DDAH1: variants seen among roughly 807,000 people sequenced by gnomAD.
DDAH1 encodes N(G),N(G)-dimethylarginine dimethylaminohydrolase 1.
Under a neutral mutation model 28.8 loss-of-function variants are expected in DDAH1, and 19 were observed. The observed-to-expected ratio is 0.66, with a 90% CI of 0.46 to 0.97. The LOEUF (loss-of-function observed/expected upper bound fraction) is 0.97, where lower values mean the gene tolerates loss of function less well. Among genes scored for constraint, DDAH1 ranks in the 50% least tolerant of loss-of-function variants. The probability of loss-of-function intolerance (pLI) is 0.00; values close to 1 mark genes in which losing one functional copy is unlikely to be tolerated. For synonymous variants in DDAH1, 153 were observed against 154.4 expected (o/e 0.99, Z 0.07); for missense variants, 326 against 375.9 (o/e 0.87, Z 1.10).
chr1:85,436,879 G>A (rs923911463), intron 1 of DDAH1, among the ~76,000 whole-genome samples: 1 of 152,160 alleles, frequency 6.6e-6, no homozygotes, highest in African/African-American at 2.4e-5. Context: ...TGAAACAGGT[G>A]TCATGGGAGA....
chr1:85,562,193 T>TGA (rs1659162424), intron 1 of DDAH1, among the ~76,000 whole-genome samples: 2 of 151,804 alleles, frequency 1.3e-5, no homozygotes, highest in Non-Finnish European at 1.5e-5. Flanking sequence ...ACAGAAAATA[T>TGA]GAGAAATTTT....
At chr1:85,406,086 T>G (rs776481530) in intron 1 of DDAH1, among the ~76,000 whole-genome samples, 3 of 152,166 alleles carry the variant, frequency 2.0e-5, no homozygotes, top group Non-Finnish European at 4.4e-5. Flanking sequence ...TGTGCATTAT[T>G]ATGTTTACTT....
chr1:85,445,951 T>A (rs60939986), intron 1 of DDAH1, among the ~76,000 whole-genome samples: 59 of 152,298 alleles, frequency 3.9e-4, no homozygotes, highest in African/African-American at 1.3e-3. Context: ...TTAAATGCCA[T>A]CTGCAATTCT....
At chr1:85,445,033 T>C (rs556472910) in intron 1 of DDAH1, among the ~76,000 whole-genome samples, 1 of 152,318 alleles carries the variant, frequency 6.6e-6, no homozygotes, top group East Asian at 1.9e-4. Context: ...GAGAAAGATG[T>C]AGGCTGGGAG....
intron 1 of DDAH1, among the ~76,000 whole-genome samples, chr1:85,535,027 T>C (rs1242959875): frequency 6.6e-6 from 1 of 151,292 alleles, no homozygotes; most frequent in South Asian, 2.1e-4. Flanking sequence ...TTTTTTTTTT[T>C]CCCGTGGAAA....
At position 85,343,537 on chromosome 1, in the gene DDAH1, T is replaced by A. The variant is rs963403219; in HGVS notation, c.597+6878A>T. Among the ~76,000 whole-genome samples, 3 of 152,250 alleles carry A rather than the reference T, an allele frequency of 2.0e-5. No individual in the cohort carries two copies. In the East Asian group the frequency reaches 5.8e-4, roughly 29 times the overall value. ...GCTGGTGAATACAACAGCCAGATAGTAAGACAAAATTAAACCTACAATGGG... is the reference window on the plus strand; with the variant it reads ...GCTGGTGAATACAACAGCCAGATAGAAAGACAAAATTAAACCTACAATGGG... On this transcript the variant is annotated intron_variant, in intron 4 of 5. Transcript: ENST00000284031.
At chr1:85,355,272 T>C (rs976912838) in intron 2 of DDAH1, among the ~76,000 whole-genome samples, 4 of 152,196 alleles carry the variant, frequency 2.6e-5, no homozygotes, top group African/African-American at 4.8e-5. Context: ...CACAAGAGCC[T>C]GTTTCCAAAG....
intron 1 of DDAH1, among the ~76,000 whole-genome samples, chr1:85,387,723 T>C (rs748773018): frequency 1.3e-5 from 2 of 152,198 alleles, no homozygotes; most frequent in Non-Finnish European, 2.9e-5. Context: ...GGTATTTTTA[T>C]TGCAATGCTC....
chr1:85,389,357 G>A (rs2100550884), intron 1 of DDAH1, among the ~76,000 whole-genome samples: 1 of 152,298 alleles, frequency 6.6e-6, no homozygotes, highest in East Asian at 1.9e-4. Flanking sequence ...GACCTACTCA[G>A]TAAATGTTCA....
chr1:85,469,502 G>T (rs1304791098), upstream of DDAH1, among the ~76,000 whole-genome samples: 3 of 152,236 alleles, frequency 2.0e-5, no homozygotes, highest in Non-Finnish European at 4.4e-5. Context: ...ATATTGCAAA[G>T]TGCTTAAAAA....
chr1:85,522,471 A>T (rs569290720), intron 1 of DDAH1, among the ~76,000 whole-genome samples: 25 of 143,136 alleles, frequency 1.7e-4, no homozygotes, highest in African/African-American at 6.0e-4. Context: ...GGCAGAATTT[A>T]ATTCTGTGCT....
rs924940115 is a variant in DDAH1, at chr1:85,445,773, AT to A, written c.303+18969del. ...AAGTGTGTACCACAATTCCCAGATAATTTTTTTTTAAGAGACAGGGTCTCTT... is the reference window on the plus strand; with the variant it reads ...AAGTGTGTACCACAATTCCCAGATAATTTTTTTTAAGAGACAGGGTCTCTT... On this transcript the variant is annotated intron_variant, in intron 1 of 5. Coordinates refer to ENST00000284031, the MANE Select transcript of DDAH1 (RefSeq NM_012137.4). Among the ~76,000 whole-genome samples the A allele has an allele frequency of 1.1e-4, 16 of 151,468 alleles. No individual in the cohort carries two copies. The East Asian group carries it at 1.8e-3, about 17-fold the overall frequency.
At chr1:85,431,316 G>A (rs928539818) in intron 1 of DDAH1, among the ~76,000 whole-genome samples, 2 of 152,058 alleles carry the variant, frequency 1.3e-5, no homozygotes, top group Non-Finnish European at 2.9e-5. Flanking sequence ...GAGGATTTTC[G>A]CATTGATGTT....
chr1:85,476,858 C>CT (rs1655821831), intron 2 of DDAH1, among the ~76,000 whole-genome samples: 1 of 152,090 alleles, frequency 6.6e-6, no homozygotes, highest in Non-Finnish European at 1.5e-5. Flanking sequence ...GTTTTGCTAA[C>CT]TTTTTTCTGA....
At chr1:85,443,066 A>G (rs1266657798) in intron 1 of DDAH1, among the ~76,000 whole-genome samples, 3 of 152,104 alleles carry the variant, frequency 2.0e-5, no homozygotes, top group Non-Finnish European at 2.9e-5. Context: ...TTTTGTTGCC[A>G]TTGCTTTTGG....
At chr1:85,453,865 AG>A (rs1654767741) in intron 1 of DDAH1, among the ~76,000 whole-genome samples, 1 of 152,260 alleles carries the variant, frequency 6.6e-6, no homozygotes, top group Non-Finnish European at 1.5e-5. Context: ...TTAGGCCTTT[AG>A]CCAGTGATCT....
chr1:85,373,326 A>T (rs1184042840), intron 1 of DDAH1, among the ~76,000 whole-genome samples: 1 of 152,148 alleles, frequency 6.6e-6, no homozygotes, highest in African/African-American at 2.4e-5. Flanking sequence ...ACTAAAGAGT[A>T]TCTGATATGG....
chr1:85,480,124 A>G (rs940113143), intron 2 of DDAH1, among the ~76,000 whole-genome samples: 1 of 152,172 alleles, frequency 6.6e-6, no homozygotes, highest in Admixed American at 6.5e-5. Context: ...GTCAGTAGGT[A>G]AAACTGTGAC....
Position 85,451,391 on chromosome 1 carries a change from CTG to C in DDAH1, c.303+13350_303+13351del, listed in dbSNP as rs1261362185. 3.9e-5 allele frequency among the ~76,000 whole-genome samples: 6 copies of C among 152,172 alleles called. No individual in the cohort carries two copies. In the South Asian group the frequency reaches 1.2e-3, roughly 32 times the overall value. On this transcript the variant is annotated intron_variant, in intron 1 of 5. Coordinates refer to ENST00000284031, the MANE Select transcript of DDAH1 (RefSeq NM_012137.4). ...ACTGATCACTGATGGAAGAGCTACT[CTG>C]TGCATGGTACTGCTCAGTACCTTAC...
Sources: allele counts gnomAD v4.1 joint callset (sites outside exome capture counted in the v4.1 genomes callset), GRCh38; gene constraint gnomAD v4.1.1; transcripts MANE v1.5; gene names NCBI Gene and HGNC (gene_info 2026-07-23, HGNC 2026-07-21).